The following ARHGEF38 variants were observed in gnomAD, a reference collection of about 807,000 sequenced individuals.
ARHGEF38 encodes Rho guanine nucleotide exchange factor (GEF) 38.
In ARHGEF38, 79 loss-of-function variants were observed where a neutral mutation model predicts 79.9. The ratio of observed to expected loss-of-function variants is 0.99; its 90% CI spans 0.82 to 1.19. The LOEUF is 1.19. Among genes scored for constraint, ARHGEF38 ranks in the 50% most tolerant of loss-of-function variants. The probability of loss-of-function intolerance (pLI) is 0.00; values close to 1 mark genes in which losing one functional copy is unlikely to be tolerated. For synonymous variants in ARHGEF38, 366 were observed against 328.3 expected (o/e 1.11, Z -1.24); for missense variants, 962 against 907.2 (o/e 1.06, Z -0.78).
chr4:105,601,776 A>G (rs1202850702), intron 2 of ARHGEF38, among the ~76,000 whole-genome samples: 1 of 152,136 alleles, frequency 6.6e-6, no homozygotes, highest in Non-Finnish European at 1.5e-5. Flanking sequence ...CACATGTCCA[A>G]GAATATTCAG....
intron 2 of ARHGEF38, among the ~76,000 whole-genome samples, chr4:105,591,024 CT>C (rs55776225): frequency 0.05 from 7,555 of 152,094 alleles, 233 homozygotes; most frequent in Middle Eastern, 0.14. Context: ...TCTGGTAAGT[CT>C]TTTGGTTTCT....
rs559783670 is a variant in ARHGEF38 at position 105,637,921 on chromosome 4, T to C, written c.674+1501T>C. 9.9e-5 allele frequency among the ~76,000 whole-genome samples: 15 copies of C among 152,220 alleles called. No homozygotes were observed. In the East Asian group the frequency reaches 2.9e-3, roughly 29 times the overall value. On this transcript the variant is annotated intron_variant, in intron 5 of 13. Coordinates refer to ENST00000420470, the MANE Select transcript of ARHGEF38 (RefSeq NM_001242729.2). ...GGTTGTGTCTGCTCCCTCTAGACTA[T>C]TCTATACATCAAGAACTAAAAAAGA...
At chr4:105,625,966 T>C (rs900733469) in intron 3 of ARHGEF38, among the ~76,000 whole-genome samples, 3 of 152,162 alleles carry the variant, frequency 2.0e-5, no homozygotes, top group East Asian at 3.8e-4. Flanking sequence ...TCAATGTTAG[T>C]GTTTGCCACC....
chr4:105,617,048 A>G (rs1294942327), intron 3 of ARHGEF38, among the ~76,000 whole-genome samples: 1 of 152,254 alleles, frequency 6.6e-6, no homozygotes, highest in Non-Finnish European at 1.5e-5. Flanking sequence ...TACTGCAAAC[A>G]GTTAAATGAT....
chr4:105,625,564 A>G (rs1395350282), intron 3 of ARHGEF38, among the ~76,000 whole-genome samples: 1 of 152,198 alleles, frequency 6.6e-6, no homozygotes, highest in Non-Finnish European at 1.5e-5. Context: ...AGGTAAAGGT[A>G]TTAATAGTAT....
At chr4:105,596,382 G>A (rs970846562) in intron 2 of ARHGEF38, among the ~76,000 whole-genome samples, 3 of 152,158 alleles carry the variant, frequency 2.0e-5, no homozygotes, top group Admixed American at 1.3e-4. Context: ...CCCAAACCAA[G>A]TTGCTGTAGC....
At position 105,613,508 on chromosome 4, in the gene ARHGEF38, G is replaced by A. The variant is rs1477268613; in HGVS notation, c.508+1G>A. The A allele has an allele frequency of 3.1e-6, 5 of 1,612,222 alleles. No homozygotes were observed. Among genetic ancestry groups the A allele is most frequent in the Non-Finnish European group, 4.2e-6 (5 of 1,178,950 alleles). On this transcript the variant is annotated splice_donor_variant, in intron 3 of 13. Coordinates refer to ENST00000420470, the MANE Select transcript of ARHGEF38 (RefSeq NM_001242729.2). LOFTEE classifies it high-confidence loss of function. The stretch of plus-strand genomic sequence containing the variant: ...GTGGAACCGGCCATGCAAGTAATTG[G>A]TATGTTTATTCTCTTCTCGAGTTCT...
chr4:105,600,597 A>C (rs1347079079), intron 2 of ARHGEF38, among the ~76,000 whole-genome samples: 1 of 152,204 alleles, frequency 6.6e-6, no homozygotes, highest in Non-Finnish European at 1.5e-5. Flanking sequence ...TCCCATCTAC[A>C]TGCTGGTGAT....
rs369280263 is a variant in ARHGEF38, at chr4:105,591,233, T to G, written c.384+1798T>G. 5.3e-5 allele frequency among the ~76,000 whole-genome samples: 8 copies of G among 152,108 alleles called. No homozygotes were observed. The East Asian group carries it at 7.8e-4, about 15-fold the overall frequency. On this transcript the variant is annotated intron_variant, in intron 2 of 13. Coordinates refer to ENST00000420470, the MANE Select transcript of ARHGEF38 (RefSeq NM_001242729.2). ...ACAGTACTCTTCTCAGATTTTTTTG[T>G]TTTGTTTTGTTTTGTGACAGAGTCT...
chr4:105,620,111 T>C (rs766927403), intron 3 of ARHGEF38, among the ~76,000 whole-genome samples: 1 of 152,216 alleles, frequency 6.6e-6, no homozygotes, highest in Non-Finnish European at 1.5e-5. Flanking sequence ...GGAAGTTGTC[T>C]GTACTGTCAT....
chr4:105,660,770 A>G (rs79743167), intron 10 of ARHGEF38, among the ~76,000 whole-genome samples: 113 of 152,304 alleles, frequency 7.4e-4, no homozygotes, highest in African/African-American at 2.6e-3. Context: ...ACAGCTTTAT[A>G]GTAACTTACT....
At chr4:105,602,182 G>C (rs1342837753) in intron 2 of ARHGEF38, among the ~76,000 whole-genome samples, 5 of 152,148 alleles carry the variant, frequency 3.3e-5, no homozygotes, top group East Asian at 1.9e-4. Context: ...ACAGGAGCAA[G>C]AGTAGGTGAG....
At chr4:105,561,619 C>A (rs1159881460) in intron 1 of ARHGEF38, 1 of 152,042 alleles carries the variant, frequency 6.6e-6, no homozygotes, top group Non-Finnish European at 1.5e-5. Flanking sequence ...GGGAGTCCCT[C>A]CCTGACCATC....
intron 3 of ARHGEF38, among the ~76,000 whole-genome samples, chr4:105,625,575 C>A (rs1207442973): frequency 6.6e-6 from 1 of 152,168 alleles, no homozygotes; most frequent in Admixed American, 6.5e-5. Context: ...TTAATAGTAT[C>A]CAAATCCTAG....
chr4:105,659,445 T>G, intron 10 of ARHGEF38, 80 bp downstream of exon 10: 1 of 1,364,300 alleles, frequency 7.3e-7, no homozygotes, highest in Non-Finnish European at 9.8e-7. Flanking sequence ...AAAGCCCTGT[T>G]CAGAGTGTGC....
chr4:105,573,312 G>C (rs1413095296), intron 1 of ARHGEF38, among the ~76,000 whole-genome samples: 1 of 152,036 alleles, frequency 6.6e-6, no homozygotes, highest in African/African-American at 2.4e-5. Context: ...AGAAATTACT[G>C]CCAAATTCAA....
intron 2 of ARHGEF38, among the ~76,000 whole-genome samples, chr4:105,595,105 A>G (rs150950115): frequency 0.086 from 13,055 of 152,162 alleles, 624 homozygotes; most frequent in Non-Finnish European, 0.1. Context: ...TTCAGTTGCT[A>G]AAATTCACAT....
rs990219448 is a variant in ARHGEF38 at position 105,678,807 on chromosome 4, T to C, written c.*870T>C. 6.7e-6 allele frequency: 1 copy of C among 148,204 alleles called. No individual in the cohort carries two copies. The highest frequency in any genetic ancestry group is 1.5e-5 in the Non-Finnish European group (1 of 67,454). 9.2% of individuals were successfully genotyped at this position (148,204 alleles called of 1,614,324 possible). On this transcript the variant is annotated 3_prime_UTR_variant, in exon 14 of 14. Coordinates refer to ENST00000420470, the MANE Select transcript of ARHGEF38 (RefSeq NM_001242729.2). The stretch of plus-strand genomic sequence containing the variant: ...CTTCAGCCAGGGCTTTTTTCTTTCT[T>C]TTCTTGTTGTTTTTTTTTTTTTTTA...
At chr4:105,606,132 C>T (rs1015744606) in intron 2 of ARHGEF38, among the ~76,000 whole-genome samples, 1 of 151,954 alleles carries the variant, frequency 6.6e-6, no homozygotes, top group Non-Finnish European at 1.5e-5. Flanking sequence ...AGATGATGGC[C>T]AAGGAGAATT....
Sources: gnomAD v4.1 joint callset for allele counts (sites outside exome capture counted in the v4.1 genomes callset) on GRCh38, gnomAD v4.1.1 for gene constraint, MANE v1.5 for transcripts, NCBI Gene and HGNC (gene_info 2026-07-23, HGNC 2026-07-21) for gene names.